Variants in BRD2 observed in about 807,000 individuals in gnomAD.
BRD2 encodes bromodomain containing 2.
In BRD2, 15 loss-of-function variants were observed where a neutral mutation model predicts 79.1. The observed-to-expected ratio is 0.19, with a 90% CI of 0.13 to 0.29. The LOEUF is 0.29. Ranked by LOEUF, BRD2 falls within the 10% of genes least tolerant of loss-of-function variation. The pLI is 1.00. For missense variants in BRD2, 1,053 were observed against 991.3 expected, an observed-to-expected ratio of 1.06 and a Z score of -0.84; for synonymous variants, 488 against 358.6, an observed-to-expected ratio of 1.36 and a Z score of -4.08.
At chr6:32,977,611 G>A (rs1281859558) in intron 8 of BRD2, 41 bp downstream of exon 8, 3 of 1,610,474 alleles carry the variant, frequency 1.9e-6, no homozygotes, top group Non-Finnish European at 2.5e-6. Flanking sequence ...AATGGTATGG[G>A]GAGTTATTTT....
In BRD2 at chr6:32,976,273, G is replaced by C. The variant is rs35952031; in HGVS notation, c.634G>C (p.Ala212Pro). The C allele has an allele frequency of 1.8e-4, 292 of 1,612,886 alleles. No individual in the cohort carries two copies. Among genetic ancestry groups the C allele is most frequent in the Non-Finnish European group, 2.4e-4 (286 of 1,180,024 alleles). Reference sequence around the variant, plus strand: ...AGCGCTCCAGGGCAGTGTTACCAGTGCCCATCAGGTGCCTGCCGTCTCTTC... The same window carrying C: ...AGCGCTCCAGGGCAGTGTTACCAGTCCCCATCAGGTGCCTGCCGTCTCTTC... ...LAALQGSVTSAHQVPAVSSVS... is the reference protein window; with the variant it reads ...LAALQGSVTSPHQVPAVSSVS... The change falls in exon 6 of 13, where the codon GCC becomes CCC. Residue 212 changes from alanine (A) to proline (P), a missense_variant. This residue lies in a region of BRD2 where 413 missense variants were observed against 335.1 expected (regional missense o/e 1.23). Coordinates refer to ENST00000374825, the MANE Select transcript of BRD2 (RefSeq NM_005104.4).
chr6:32,978,814 C>T (rs1485674236), intron 10 of BRD2: 4 of 180,478 alleles, frequency 2.2e-5, no homozygotes, highest in Non-Finnish European at 4.6e-5. Flanking sequence ...GGTTGGGACC[C>T]CTGGCTTTGG....
rs1426533849 is a variant in BRD2, at chr6:32,981,269, CTT to C, written c.*553_*554del. 3 of 152,136 alleles carry C rather than the reference CTT, an allele frequency of 2.0e-5. No individual in the cohort carries two copies. The highest frequency in any genetic ancestry group is 7.3e-5 in the African/African-American group (3 of 41,264). The allele number at this position is 152,136 out of a possible 1,614,324, so 9.4% of individuals were successfully genotyped here. A position where few individuals can be genotyped will look rare whatever the true frequency, so the allele number is the denominator to read the frequency against. ...CTCCCCATTTGGTCCCCTGGACTGT[CTT>C]TGTTGATTCTAACTTGTAAATAAAG... On this transcript the variant is annotated 3_prime_UTR_variant, in exon 13 of 13. Coordinates refer to ENST00000374825, the MANE Select transcript of BRD2 (RefSeq NM_005104.4).
intron 2 of BRD2, among the ~76,000 whole-genome samples, chr6:32,973,302 C>T (rs149792692): frequency 4.6e-5 from 7 of 152,156 alleles, no homozygotes; most frequent in African/African-American, 1.7e-4. Context: ...ACACCTCTAG[C>T]GCCCTGTAGG....
In BRD2 at chr6:32,972,132, C is replaced by T; in HGVS notation, c.-767C>T. Reference sequence around the variant, plus strand: ...GTGGGGAAAAGCTCAAGCAGGGTGGCGCGCATGAGCGGCGAAGCTCCTCCT... The same window carrying T: ...GTGGGGAAAAGCTCAAGCAGGGTGGTGCGCATGAGCGGCGAAGCTCCTCCT... On this transcript the variant is annotated 5_prime_UTR_variant, in exon 2 of 13. Transcript: ENST00000374825. 3.0e-6 allele frequency: 2 copies of T among 663,778 alleles called. No homozygotes were observed. The highest frequency in any genetic ancestry group is 5.5e-6 in the Non-Finnish European group (2 of 364,162). 41.1% of individuals were successfully genotyped at this position (663,778 alleles called of 1,614,324 possible).
At chr6:32,975,024 C>A in intron 3 of BRD2, 5 of 1,527,336 alleles carry the variant, frequency 3.3e-6, no homozygotes, top group Non-Finnish European at 4.4e-6. Flanking sequence ...TTTACAGATT[C>A]CCACCTCGGG....
In BRD2 at chr6:32,980,408, A is replaced by G; in HGVS notation, c.2213A>G (p.Lys738Arg). The G allele has an allele frequency of 1.2e-6, 2 of 1,613,108 alleles. No individual in the cohort carries two copies. The highest frequency in any genetic ancestry group is 1.7e-6 in the Non-Finnish European group (2 of 1,180,046). ...LALEKKRELE[K>R]RLQDVSGQLN... ...TTGGAGAAAAAGCGGGAATTAGAAA[A>G]GCGGTTACAAGATGTCAGCGGACAG... The change falls in exon 12 of 13, where the codon AAG becomes AGG. Residue 738 changes from lysine to arginine, a missense_variant. Lys to Arg is a conservative substitution (Grantham distance 26). Coordinates refer to ENST00000374825, the MANE Select transcript of BRD2 (RefSeq NM_005104.4).
chr6:32,977,457 C>T lies in BRD2; in HGVS notation c.1216C>T (p.Arg406Cys). ...CCTTCTGCAGCGGAAGATGGAGAAC[C>T]GTGATTACCGGGATGCACAGGAGTT... ...LSTVKRKMEN[R>C]DYRDAQEFAA... Residue 406 changes from arginine (R) to cysteine (C), a missense_variant, in exon 8 of 13, where the codon CGT (arginine) becomes TGT (cysteine). This residue lies in a region of BRD2 where 454 missense variants were observed against 430.5 expected (regional missense o/e 1.05). Coordinates refer to ENST00000374825, the MANE Select transcript of BRD2 (RefSeq NM_005104.4). The T allele has an allele frequency of 2.5e-6, 4 of 1,613,914 alleles. No homozygotes were observed. Among genetic ancestry groups the T allele is most frequent in the South Asian group, 1.1e-5 (1 of 91,082 alleles).
chr6:32,972,971 C>T (rs764407758), intron 2 of BRD2, 44 bp downstream of exon 2: 1 of 1,613,952 alleles, frequency 6.2e-7, no homozygotes, highest in Non-Finnish European at 8.5e-7. Flanking sequence ...TGTTGCAGGG[C>T]GGCGGCACAG....
Position 32,971,723 on chromosome 6 carries a change from G to A in BRD2, c.-1176G>A. 1 of 561,960 alleles carries A rather than the reference G, an allele frequency of 1.8e-6. No individual in the cohort carries two copies. The highest frequency in any genetic ancestry group is 3.1e-6 in the Non-Finnish European group (1 of 318,506). 34.8% of individuals were successfully genotyped at this position (561,960 alleles called of 1,614,324 possible). ...CCGTTTCCCTGCTTTGGCCAATGGA[G>A]GAGCTACGAATGGCACGACCTGCTC... On this transcript the variant is annotated 5_prime_UTR_variant, in exon 2 of 13. Transcript: ENST00000374825.
intron 7 of BRD2, chr6:32,977,209 A>G: frequency 1.3e-6 from 2 of 1,503,924 alleles, no homozygotes; most frequent in Non-Finnish European, 1.8e-6. Context: ...TAGGGTGGAA[A>G]AACAGGCATA....
intron 1 of BRD2, 176 bp downstream of exon 1, chr6:32,969,232 G>A: frequency 1.7e-6 from 1 of 596,654 alleles, no homozygotes; most frequent in Non-Finnish European, 3.2e-6. Context: ...AGAGGGCCAT[G>A]GGGGGGGAGG....
At position 32,975,364 on chromosome 6, in the gene BRD2, C is replaced by T. The variant is rs771558917; in HGVS notation, c.334-20C>T. ...AGCATTTATTTTTCTGTGGTTCTGA[C>T]CTAACATTTTTTTATTTAGGATTAT... On this transcript the variant is annotated intron_variant, in intron 3 of 12. Transcript: ENST00000374825. 45 of 1,588,130 alleles carry T rather than the reference C, an allele frequency of 2.8e-5. No individual in the cohort carries two copies. Among genetic ancestry groups the T allele is most frequent in the Non-Finnish European group, 3.8e-5 (44 of 1,161,846 alleles).
rs1778478178 is a variant in BRD2, at chr6:32,974,626, A to C, written c.194A>C (p.Glu65Ala). The stretch of plus-strand genomic sequence containing the variant: ...ACCCCTGCCAACCCACCACCCCCGG[A>C]GGTGTCCAATCCCAAAAAGCCAGGA... ...QLTPANPPPP[E>A]VSNPKKPGRV... The change falls in exon 3 of 13, where the codon GAG (glutamate) becomes GCG (alanine). Residue 65 changes from glutamate to alanine, a missense_variant. Glu to Ala is a moderately radical substitution (Grantham distance 107). This residue lies in a region of BRD2 where 413 missense variants were observed against 335.1 expected (regional missense o/e 1.23). Transcript: ENST00000374825. The C allele has an allele frequency of 1.2e-6, 2 of 1,614,188 alleles. No homozygotes were observed. Among genetic ancestry groups the C allele is most frequent in the Non-Finnish European group, 8.5e-7 (1 of 1,180,026 alleles).
rs887109146 is a variant in BRD2 at position 32,968,645 on chromosome 6, G to C, written c.-1716G>C. On this transcript the variant is annotated 5_prime_UTR_variant, in exon 1 of 13. Coordinates refer to ENST00000374825, the MANE Select transcript of BRD2 (RefSeq NM_005104.4). ...TGAACTCGTATGGAGAGGCGAGTGG[G>C]GGGGACAGAGTCCAGGACTGCGGGA... is the stretch of plus-strand genomic sequence containing the variant. 2 of 153,156 alleles carry C rather than the reference G, an allele frequency of 1.3e-5. No homozygotes were observed. Among genetic ancestry groups the C allele is most frequent in the Admixed American group, 6.5e-5 (1 of 15,298 alleles). 9.5% of individuals were successfully genotyped at this position (153,156 alleles called of 1,614,324 possible).
rs748978488 is a variant in BRD2 at position 32,978,171 on chromosome 6, A to G, written c.1624A>G (p.Ile542Val). 11 of 1,612,980 alleles carry G rather than the reference A, an allele frequency of 6.8e-6. No individual in the cohort carries two copies. The highest frequency in any genetic ancestry group is 6.7e-5 in the Admixed American group (4 of 60,000). ...EQLAALSQGP[I>V]SKPKRKREKK... ...ACTGGCTGCTCTGTCCCAGGGTCCA[A>G]TATCCAAGCCCAAGAGGAAAAGAGA... Residue 542 changes from isoleucine to valine, a missense_variant, in exon 10 of 13, where the codon ATA becomes GTA. Ile to Val is a conservative substitution (Grantham distance 29). Coordinates refer to ENST00000374825, the MANE Select transcript of BRD2 (RefSeq NM_005104.4).
rs35845948 is a variant in BRD2, at chr6:32,978,185, G to A, written c.1638G>A (p.Lys546=). ...CCCAGGGTCCAATATCCAAGCCCAA[G>A]AGGAAAAGAGAGAAAAAAGAGAAAA... The part of the protein sequence containing the change: ...ALSQGPISKP[K]RKREKKEKKK... Residue 546 remains lysine (K), a synonymous_variant, in exon 10 of 13, where the codon AAG becomes AAA. Transcript: ENST00000374825. The A allele has an allele frequency of 3.1e-6, 5 of 1,612,850 alleles. No homozygotes were observed. The highest frequency in any genetic ancestry group is 2.2e-5 in the South Asian group (2 of 91,090).
rs151209418 is a variant in BRD2 at position 32,975,309 on chromosome 6, T to TGTGTGA, written c.334-74_334-73insTGTGAG. 299 of 1,030,254 alleles carry TGTGTGA rather than the reference T, an allele frequency of 2.9e-4. No individual in the cohort carries two copies. The African/African-American group carries it at 3.3e-3, about 11-fold the overall frequency. 63.8% of individuals were successfully genotyped at this position (1,030,254 alleles called of 1,614,324 possible). On this transcript the variant is annotated intron_variant, in intron 3 of 12. Coordinates refer to ENST00000374825, the MANE Select transcript of BRD2 (RefSeq NM_005104.4). ...GGGTGTGTGTGTGTGTGTGTGTGTG[T>TGTGTGA]GAGAGTCGGGGATCGGTAGTCTCCC...
At position 32,980,376 on chromosome 6, in the gene BRD2, A is replaced by G. The variant is rs778675391; in HGVS notation, c.2181A>G (p.Glu727=). ...AGCCTGTGGGAAAGACAAAGGAGGA[A>G]CTGGCTTTGGAGAAAAAGCGGGAAT... is the stretch of plus-strand genomic sequence containing the variant. ...IKKPVGKTKE[E]LALEKKRELE... is the part of the protein sequence containing the mutation. Residue 727 remains glutamate, a synonymous_variant, in exon 12 of 13, where the codon GAA becomes GAG. Transcript: ENST00000374825. The G allele has an allele frequency of 1.2e-6, 2 of 1,613,092 alleles. No individual in the cohort carries two copies. Among genetic ancestry groups the G allele is most frequent in the South Asian group, 1.1e-5 (1 of 91,086 alleles).
Sources: gnomAD v4.1 joint callset for allele counts (sites outside exome capture counted in the v4.1 genomes callset) on GRCh38, gnomAD v4.1.1 for gene constraint, gnomAD v4.1.1 regional missense constraint, MANE v1.5 for transcripts, NCBI Gene and HGNC (gene_info 2026-07-23, HGNC 2026-07-21) for gene names.